Variants in NLRP11 observed in about 807,000 individuals in gnomAD.
NLRP11 encodes the protein NLR family pyrin domain containing 11.
NLRP11 carries 53 observed loss-of-function variants against 79.3 expected under a neutral mutation model. The ratio of observed to expected loss-of-function variants is 0.67; its 90% CI spans 0.54 to 0.84. NLRP11 has a LOEUF of 0.84. Among genes scored for constraint, NLRP11 ranks in the 40% least tolerant of loss-of-function variants. The probability of loss-of-function intolerance (pLI) is 0.00; values close to 1 mark genes in which losing one functional copy is unlikely to be tolerated. For synonymous variants in NLRP11, 518 were observed against 462.6 expected (o/e 1.12, Z -1.54); for missense variants, 1,264 against 1,255.0 (o/e 1.01, Z -0.11).
intron 7 of NLRP11, among the ~76,000 whole-genome samples, chr19:55,791,509 C>CTT (rs1382879157): frequency 5.3e-5 from 8 of 152,100 alleles, no homozygotes; most frequent in Non-Finnish European, 7.4e-5. Context: ...CCAGTAAGCA[C>CTT]TTCAGTTCAG....
exon 8 of NLRP11, chr19:55,789,396 C>G (rs1226177378): frequency 6.2e-7 from 1 of 1,610,780 alleles, no homozygotes; most frequent in Non-Finnish European, 8.5e-7. Context: ...AACAGCCAGA[C>G]AGACTGCAAA....
intron 1 of NLRP11, among the ~76,000 whole-genome samples, chr19:55,831,245 C>A: frequency 6.6e-6 from 1 of 151,242 alleles, no homozygotes; most frequent in South Asian, 2.1e-4. Context: ...AGCCTAGGCA[C>A]AACTGACGGG....
intron 1 of NLRP11, among the ~76,000 whole-genome samples, chr19:55,827,980 G>A (rs950098849): frequency 5.3e-5 from 8 of 151,640 alleles, no homozygotes; most frequent in Admixed American, 2.6e-4. Context: ...TGTTTACTGC[G>A]GCATTATTCA....
At chr19:55,806,604 C>A (rs2122799907) in intron 4 of NLRP11, among the ~76,000 whole-genome samples, 1 of 152,284 alleles carries the variant, frequency 6.6e-6, no homozygotes, top group South Asian at 2.1e-4. Flanking sequence ...TCAGATTCTG[C>A]CCTATGCTCC....
chr19:55,834,094 T>C (rs1400566906), upstream of NLRP11, among the ~76,000 whole-genome samples: 1 of 152,220 alleles, frequency 6.6e-6, no homozygotes, highest in Non-Finnish European at 1.5e-5. Context: ...GAATGATTTT[T>C]GTCAACAAGA....
Position 55,795,961 on chromosome 19 carries a change from CTG to C in NLRP11, c.2342+117_2342+118del, listed in dbSNP as rs1160465781. 127 of 874,686 alleles carry C rather than the reference CTG, an allele frequency of 1.5e-4. No individual in the cohort carries two copies. The East Asian group carries it at 3.1e-3, about 21-fold the overall frequency. The allele number at this position is 874,686 out of a possible 1,614,324, so 54.2% of individuals were successfully genotyped here. On this transcript the variant is annotated intron_variant, in intron 6 of 9. Coordinates refer to ENST00000589093, the Ensembl canonical transcript of NLRP11. ...ACCCAGACCTACTGAACTCCAAAGA[CTG>C]TGCTTTCGGCTGCTTTGCTTTGCTG...
chr19:55,795,292 CAG>C (rs1468777589), intron 6 of NLRP11, among the ~76,000 whole-genome samples: 4 of 152,054 alleles, frequency 2.6e-5, no homozygotes, highest in Non-Finnish European at 4.4e-5. Context: ...AAAGGAGACT[CAG>C]GGGAAAAAAT....
intron 2 of NLRP11, among the ~76,000 whole-genome samples, chr19:55,813,592 A>G (rs940982374): frequency 6.6e-6 from 1 of 152,248 alleles, no homozygotes; most frequent in Non-Finnish European, 1.5e-5. Context: ...AAAAGAAATC[A>G]TATCTGATAT....
intron 1 of NLRP11, among the ~76,000 whole-genome samples, chr19:55,820,600 G>A (rs1381709084): frequency 6.6e-6 from 1 of 152,170 alleles, no homozygotes; most frequent in Admixed American, 6.5e-5. Context: ...TTCGTCTCAT[G>A]TATATTTTTG....
intron 6 of NLRP11, among the ~76,000 whole-genome samples, chr19:55,794,254 G>A (rs780182206): frequency 6.6e-6 from 1 of 151,954 alleles, no homozygotes; most frequent in Non-Finnish European, 1.5e-5. Context: ...AATTATACCT[G>A]GAACCAGTGG....
chr19:55,832,861 G>A (rs147917944), upstream of NLRP11: 600 of 152,206 alleles, frequency 3.9e-3, 7 homozygotes, highest in African/African-American at 0.013. Flanking sequence ...CAAGGCCTCC[G>A]TCACCACTCT....
intron 5 of NLRP11, among the ~76,000 whole-genome samples, chr19:55,800,369 G>A (rs1163956358): frequency 3.3e-5 from 5 of 152,118 alleles, no homozygotes; most frequent in Admixed American, 6.5e-5. Context: ...GTGCAGCGGC[G>A]CCATCTCAGC....
Position 55,785,923 on chromosome 19 carries a change from C to T in NLRP11, c.2856-52G>A, listed in dbSNP as rs73933365. The T allele has an allele frequency of 9.7e-3, 15,162 of 1,565,058 alleles. 1,189 individuals are homozygous for T. In the African/African-American group the frequency reaches 0.18, roughly 18 times the overall value. ...GTTAATGCTACATGTGAGGTCTCAG[C>T]TTTGTTGCATCAATGACTAATTCCC... On this transcript the variant is annotated intron_variant, in intron 9 of 9. Coordinates refer to ENST00000589093, the Ensembl canonical transcript of NLRP11.
At chr19:55,792,220 C>CT in intron 7 of NLRP11, 81 bp downstream of exon 7, 1 of 1,252,358 alleles carries the variant, frequency 8.0e-7, no homozygotes, top group Non-Finnish European at 1.2e-6. Context: ...TCACTGGAAT[C>CT]TTATCCCTGC....
chr19:55,809,252 A>G lies in NLRP11; in HGVS notation c.1358T>C (p.Val453Ala). ...TGCAATGGCTGTACAAAACTCCTGG[A>G]CGTTCAAGTGTATGAACTTGTAACG... The change falls in exon 3 of 10, where the codon GTC becomes GCC. Residue 453 changes from valine to alanine, a missense_variant. Val to Ala is a moderately conservative substitution (Grantham distance 64). Transcript: ENST00000589093. This position sits in a 1 kb window ranked among gnomAD's most constrained non-coding sequence, Gnocchi z 4.5. 1 of 1,614,066 alleles carries G rather than the reference A, an allele frequency of 6.2e-7. No individual in the cohort carries two copies. The highest frequency in any genetic ancestry group is 1.1e-5 in the South Asian group (1 of 91,086).
At chr19:55,806,958 T>C (rs948176034) in intron 4 of NLRP11, among the ~76,000 whole-genome samples, 1 of 152,146 alleles carries the variant, frequency 6.6e-6, no homozygotes, top group Non-Finnish European at 1.5e-5. Context: ...AACTTATTAC[T>C]ACAGCCTGTA....
intron 1 of NLRP11, among the ~76,000 whole-genome samples, chr19:55,819,662 G>T (rs887110301): frequency 5.3e-5 from 8 of 152,132 alleles, no homozygotes; most frequent in African/African-American, 1.9e-4. Flanking sequence ...GTCCCTTTGG[G>T]GGCGAAAAAG....
intron 2 of NLRP11, among the ~76,000 whole-genome samples, chr19:55,817,629 A>G (rs1244977378): frequency 1.3e-5 from 2 of 152,132 alleles, no homozygotes; most frequent in Non-Finnish European, 2.9e-5. Context: ...ATGAGGATGC[A>G]AAGGCATAAG....
At chr19:55,810,389 A>G (rs758047443) in intron 2 of NLRP11, 51 bp from the exon 3 acceptor site, 1 of 1,515,512 alleles carries the variant, frequency 6.6e-7, no homozygotes. Flanking sequence ...TGAAAGTTCA[A>G]GATGTAAAAA....
Sources: allele counts gnomAD v4.1 joint callset (sites outside exome capture counted in the v4.1 genomes callset), GRCh38; gene constraint gnomAD v4.1.1; non-coding constraint Gnocchi (gnomAD v3.1); transcripts MANE v1.5; gene names NCBI Gene and HGNC (gene_info 2026-07-23, HGNC 2026-07-21).